Variants in RBPMS observed in about 807,000 individuals in gnomAD.
The protein encoded by RBPMS is RNA-binding protein with multiple splicing.
A neutral mutation model predicts 26.8 loss-of-function variants in RBPMS; 7 were observed. That is an observed-to-expected ratio of 0.26 (90% CI 0.15 to 0.49). The LOEUF (loss-of-function observed/expected upper bound fraction) is 0.49. Ranked by LOEUF, RBPMS falls within the 20% of genes least tolerant of loss-of-function variation. The probability of loss-of-function intolerance (pLI) is 0.98; values close to 1 mark genes in which losing one functional copy is unlikely to be tolerated. For synonymous variants in RBPMS, 96 were observed against 93.3 expected (o/e 1.03, Z -0.17); for missense variants, 186 against 250.0 (o/e 0.74, Z 1.73).
At chr8:30,516,516 C>T (rs1025193441) in intron 5 of RBPMS, among the ~76,000 whole-genome samples, 1 of 152,178 alleles carries the variant, frequency 6.6e-6, no homozygotes, top group African/African-American at 2.4e-5. Flanking sequence ...GGATAACATA[C>T]CAGCCGTTCA....
At chr8:30,471,818 A>G (rs1463648622) in intron 1 of RBPMS, among the ~76,000 whole-genome samples, 1 of 152,200 alleles carries the variant, frequency 6.6e-6, no homozygotes, top group Non-Finnish European at 1.5e-5. Context: ...ACCACCAGGA[A>G]CTTGTTTATC....
intron 1 of RBPMS, among the ~76,000 whole-genome samples, chr8:30,473,826 C>A (rs1449912814): frequency 6.6e-6 from 1 of 152,114 alleles, no homozygotes; most frequent in African/African-American, 2.4e-5. Context: ...TCATCCTCAG[C>A]AAACTAACAC....
In RBPMS at chr8:30,486,632, C is replaced by CAA. The variant is rs564637889; in HGVS notation, c.246+7263_246+7264dup. Among the ~76,000 whole-genome samples, 196 of 114,222 alleles carry CAA rather than the reference C, an allele frequency of 1.7e-3. 2 individuals are homozygous for CAA. Among genetic ancestry groups the CAA allele is most frequent in the Middle Eastern group, 0.016 (3 of 186 alleles). The allele number at this position is 114,222 out of a possible 152,430, so 74.9% of individuals were successfully genotyped here. ...TGGGCGATGGAGTGAGACTCTCTCTCAAAAAAAAATAAAAAAATAAAAGAA... is the reference window on the plus strand; with the variant it reads ...TGGGCGATGGAGTGAGACTCTCTCTCAAAAAAAAAAATAAAAAAATAAAAGAA... On this transcript the variant is annotated intron_variant, in intron 4 of 8. Transcript: ENST00000397323.
chr8:30,420,368 T>A (rs1810623988), intron 1 of RBPMS, among the ~76,000 whole-genome samples: 1 of 152,220 alleles, frequency 6.6e-6, no homozygotes, highest in Non-Finnish European at 1.5e-5. Flanking sequence ...TTAAACAGAA[T>A]TTGACAAGCT....
At chr8:30,486,526 G>A (rs899617047) in intron 4 of RBPMS, among the ~76,000 whole-genome samples, 12 of 151,810 alleles carry the variant, frequency 7.9e-5, no homozygotes, top group Non-Finnish European at 1.6e-4. Flanking sequence ...CCAGCTACTT[G>A]GGAGGCTGAG....
At chr8:30,467,548 T>TAG (rs1816649263) in intron 1 of RBPMS, among the ~76,000 whole-genome samples, 1 of 152,198 alleles carries the variant, frequency 6.6e-6, no homozygotes, top group South Asian at 2.1e-4. Flanking sequence ...CTTATCTTAG[T>TAG]AGAGCAGTCA....
intron 6 of RBPMS, chr8:30,552,380 T>G (rs538463721): frequency 6.6e-6 from 1 of 152,156 alleles, no homozygotes; most frequent in South Asian, 2.1e-4. Flanking sequence ...ATTGTGACAG[T>G]AGGGGTAAAG....
Position 30,570,885 on chromosome 8 carries a change from C to CCAAA in RBPMS, c.*363_*366dup, listed in dbSNP as rs1424746306. The CCAAA allele has an allele frequency of 4.6e-5, 7 of 152,096 alleles. No homozygotes were observed. The highest frequency in any genetic ancestry group is 2.1e-4 in the South Asian group (1 of 4,824). 9.4% of individuals were successfully genotyped at this position (152,096 alleles called of 1,614,324 possible). A position where few individuals can be genotyped will look rare whatever the true frequency, so the allele number is the denominator to read the frequency against. ...ACCAAGAAAAGTGAGTATTTTTATA[C>CCAAA]CAAACATTTTAAGTATGCTGGGATG... On this transcript the variant is annotated 3_prime_UTR_variant, in exon 9 of 9. Coordinates refer to ENST00000397323, the MANE Select transcript of RBPMS (RefSeq NM_001008710.3).
At chr8:30,424,293 A>G (rs1234643893) in intron 1 of RBPMS, among the ~76,000 whole-genome samples, 1 of 152,232 alleles carries the variant, frequency 6.6e-6, no homozygotes, top group African/African-American at 2.4e-5. Context: ...TAAATTGGGA[A>G]TAACAAAATC....
chr8:30,466,403 GGATGTTGTGGCACACACCTTTA>G (rs1325063879), intron 1 of RBPMS, among the ~76,000 whole-genome samples: 3 of 151,872 alleles, frequency 2.0e-5, no homozygotes, highest in Non-Finnish European at 4.4e-5. Context: ...AAGATTAATT[GGATGTTGTGGCACACACCTTTA>G]GTCCTAGCTA....
chr8:30,566,229 G>A (rs549453715), intron 7 of RBPMS, 28 bp from the exon 8 acceptor site: 57 of 985,454 alleles, frequency 5.8e-5, no homozygotes, highest in Non-Finnish European at 6.5e-5. Flanking sequence ...ACTGTGCACC[G>A]TTAACGGGTG....
chr8:30,431,743 C>T lies in RBPMS; in HGVS notation c.67-43036C>T, dbSNP rs188909346. 3.3e-5 allele frequency among the ~76,000 whole-genome samples: 5 copies of T among 152,180 alleles called. No individual in the cohort carries two copies. The East Asian group carries it at 5.8e-4, about 18-fold the overall frequency. ...TTGGGATTACAGGTGTGAGCCACCG[C>T]GCCCAGCCCTCTCTTTCAATAATAG... On this transcript the variant is annotated intron_variant, in intron 1 of 8. Coordinates refer to ENST00000397323, the MANE Select transcript of RBPMS (RefSeq NM_001008710.3).
At chr8:30,475,069 G>C (rs988062972) in intron 2 of RBPMS, among the ~76,000 whole-genome samples, 3 of 152,184 alleles carry the variant, frequency 2.0e-5, no homozygotes, top group African/African-American at 7.2e-5. Flanking sequence ...TGTAAGTGAA[G>C]ATTTATTTCT....
chr8:30,476,173 T>G (rs548828714), intron 2 of RBPMS, among the ~76,000 whole-genome samples: 2 of 148,316 alleles, frequency 1.3e-5, no homozygotes, highest in South Asian at 4.5e-4. Context: ...TTCAAGTGGG[T>G]GAGTCTCATT....
intron 5 of RBPMS, among the ~76,000 whole-genome samples, chr8:30,514,204 T>C (rs982892542): frequency 2.6e-5 from 4 of 152,192 alleles, no homozygotes; most frequent in South Asian, 4.1e-4. Context: ...GATAAACAGG[T>C]AAAAATTAAC....
At chr8:30,548,053 T>C (rs765694597) in intron 6 of RBPMS, among the ~76,000 whole-genome samples, 2 of 152,246 alleles carry the variant, frequency 1.3e-5, no homozygotes, top group Non-Finnish European at 2.9e-5. Flanking sequence ...AGTACTGACT[T>C]AATGTTTAGA....
intron 5 of RBPMS, among the ~76,000 whole-genome samples, chr8:30,519,586 C>T (rs544887604): frequency 1.3e-5 from 2 of 150,490 alleles, no homozygotes; most frequent in Non-Finnish European, 2.9e-5. Context: ...CAGGTTCATG[C>T]CATTCTCCTG....
At chr8:30,454,878 C>T (rs1417043067) in intron 1 of RBPMS, among the ~76,000 whole-genome samples, 1 of 152,190 alleles carries the variant, frequency 6.6e-6, no homozygotes, top group Non-Finnish European at 1.5e-5. Flanking sequence ...GGCTGGAGTG[C>T]AGTGGCATGA....
intron 5 of RBPMS, among the ~76,000 whole-genome samples, chr8:30,513,587 CAAAAAAA>C (rs56184994): frequency 1.8e-5 from 2 of 108,520 alleles, no homozygotes; most frequent in Non-Finnish European, 3.8e-5. Flanking sequence ...GACTCCATCT[CAAAAAAA>C]AAAAAAAAAA....
Sources: gnomAD v4.1 joint callset for allele counts (sites outside exome capture counted in the v4.1 genomes callset) on GRCh38, gnomAD v4.1.1 for gene constraint, MANE v1.5 for transcripts, NCBI Gene and HGNC (gene_info 2026-07-23, HGNC 2026-07-21) for gene names.